RAP1GAP: variants seen among roughly 807,000 people sequenced by gnomAD.
The protein encoded by RAP1GAP is rap1 GTPase-activating protein 1.
In RAP1GAP, 35 loss-of-function variants were observed where a neutral mutation model predicts 87.2. The ratio of observed to expected loss-of-function variants is 0.40; its 90% confidence interval spans 0.31 to 0.53. RAP1GAP has a LOEUF of 0.53. RAP1GAP is among the 20% of genes least tolerant of loss of function. The pLI is 0.48. For missense variants in RAP1GAP, 734 were observed against 898.9 expected (o/e 0.82, Z 2.35); for synonymous variants, 375 against 363.9 (o/e 1.03, Z -0.35).
intron 1 of RAP1GAP, among the ~76,000 whole-genome samples, chr1:21,664,411 G>A (rs766705084): frequency 5.3e-5 from 8 of 151,998 alleles, no homozygotes; most frequent in Non-Finnish European, 4.4e-5. Context: ...CAGACTCCTC[G>A]GCCTGCCATT....
chr1:21,619,080 A>G lies in RAP1GAP; in HGVS notation c.19-8T>C. ...TTCATCCATCCTGCTTCCCTGTAAG[A>G]GAAGGCAGCACTGTTACACCCTCCC... is the stretch of plus-strand genomic sequence containing the variant. On this transcript the variant is annotated splice_polypyrimidine_tract_variant and splice_region_variant and intron_variant, in intron 4 of 24. Coordinates refer to ENST00000374765, the MANE Select transcript of RAP1GAP (RefSeq NM_002885.4). 1.9e-6 allele frequency: 3 copies of G among 1,595,264 alleles called. No individual in the cohort carries two copies. The South Asian group carries it at 3.4e-5, about 18-fold the overall frequency.
At chr1:21,605,807 C>T (rs2074071769) in intron 18 of RAP1GAP, among the ~76,000 whole-genome samples, 1 of 152,244 alleles carries the variant, frequency 6.6e-6, no homozygotes, top group Non-Finnish European at 1.5e-5. Context: ...CACCTCAATG[C>T]ATAAAGGGCC....
chr1:21,613,245 A>G lies in RAP1GAP; in HGVS notation c.475-16T>C. On this transcript the variant is annotated splice_polypyrimidine_tract_variant and intron_variant, in intron 9 of 24. Coordinates refer to ENST00000374765, the MANE Select transcript of RAP1GAP (RefSeq NM_002885.4). The surrounding 1 kb of genome is among the most constrained non-coding windows in gnomAD (Gnocchi z 4.7). ...CACACACCAACTGCAGGAGGAGATA[A>G]GGGAGGGGTGTGAGGTGTGGGGCCA... 6.5e-7 allele frequency: 1 copy of G among 1,545,676 alleles called. No homozygotes were observed. The highest frequency in any genetic ancestry group is 8.9e-7 in the Non-Finnish European group (1 of 1,117,948).
At chr1:21,659,574 G>C (rs1225325419) in intron 1 of RAP1GAP, among the ~76,000 whole-genome samples, 1 of 152,190 alleles carries the variant, frequency 6.6e-6, no homozygotes, top group Non-Finnish European at 1.5e-5. Context: ...CCGTTCTCTC[G>C]GTGCGCAGAT....
rs368389534 is a variant in RAP1GAP, at chr1:21,618,990, C to G, written c.66+35G>C. 3.3e-5 allele frequency: 52 copies of G among 1,573,088 alleles called. No individual in the cohort carries two copies. The African/African-American group carries it at 4.0e-4, about 12-fold the overall frequency. On this transcript the variant is annotated intron_variant, in intron 5 of 24. Transcript: ENST00000374765. ...AGCACTTCCCGGACCCCCTCCACCC[C>G]CTAGAGAGGGAGGCAGACTGCCAGG...
chr1:21,648,837 A>T (rs1344681705), intron 2 of RAP1GAP, among the ~76,000 whole-genome samples: 1 of 152,204 alleles, frequency 6.6e-6, no homozygotes, highest in Admixed American at 6.5e-5. Flanking sequence ...ATAGAAAGGC[A>T]GGCTGGGAGC....
chr1:21,657,627 A>T (rs1373310170), intron 1 of RAP1GAP, among the ~76,000 whole-genome samples: 4 of 152,136 alleles, frequency 2.6e-5, no homozygotes, highest in Non-Finnish European at 5.9e-5. Flanking sequence ...CTCCACTGCT[A>T]TGGGCGTGGC....
chr1:21,603,682 G>A lies in RAP1GAP; in HGVS notation c.1429-769C>T. On this transcript the variant is annotated intron_variant, in intron 18 of 24. Coordinates refer to ENST00000374765, the MANE Select transcript of RAP1GAP (RefSeq NM_002885.4). This position sits in a 1 kb window ranked among gnomAD's most constrained non-coding sequence, Gnocchi z 6.0. The stretch of plus-strand genomic sequence containing the variant: ...CCAGGCCCCAAAGCAGGTGCTGAGT[G>A]CCATCGGAGCTGCCGCCACTCCATC... 1 of 834,898 alleles carries A rather than the reference G, an allele frequency of 1.2e-6. No individual in the cohort carries two copies. The allele number at this position is 834,898 out of a possible 1,614,324, so 51.7% of individuals were successfully genotyped here. A position where few individuals can be genotyped will look rare whatever the true frequency, so the allele number is the denominator to read the frequency against.
chr1:21,604,839 A>C (rs1461464995), intron 18 of RAP1GAP, among the ~76,000 whole-genome samples: 1 of 135,002 alleles, frequency 7.4e-6, no homozygotes, highest in Non-Finnish European at 1.6e-5. Flanking sequence ...AGAGGGATGG[A>C]TAGAGATGGA....
chr1:21,655,577 C>T (rs765039782), intron 1 of RAP1GAP, among the ~76,000 whole-genome samples: 15 of 152,230 alleles, frequency 9.9e-5, no homozygotes, highest in Non-Finnish European at 2.1e-4. Context: ...TCACTGCCAT[C>T]GTTGAAGGAG....
intron 1 of RAP1GAP, among the ~76,000 whole-genome samples, chr1:21,653,594 C>CCTTCCTTCCTT (rs1558897559): frequency 1.1e-3 from 88 of 81,132 alleles, no homozygotes; most frequent in Non-Finnish European, 1.3e-3. Flanking sequence ...CTTCCTTCCT[C>CCTTCCTTCCTT]CCTCCCTCCC....
rs142966130 is a variant in RAP1GAP at position 21,610,243 on chromosome 1, G to T, written c.876C>A (p.Ile292=). The change falls in exon 14 of 25, where the codon ATC becomes ATA. Residue 292 remains isoleucine, a synonymous_variant. Coordinates refer to ENST00000374765, the MANE Select transcript of RAP1GAP (RefSeq NM_002885.4). ...TCTCATCCTGGAAGACCACAGCCAC[G>T]ATGTCGTTCCCGATGTGCCGCTTCC... is the stretch of plus-strand genomic sequence containing the variant. The part of the protein sequence containing the change: ...LQRKRHIGND[I]VAVVFQDENT... 1.2e-6 allele frequency: 2 copies of T among 1,614,002 alleles called. No individual in the cohort carries two copies. Among genetic ancestry groups the T allele is most frequent in the Admixed American group, 1.7e-5 (1 of 60,000 alleles).
chr1:21,609,835 A>T lies in RAP1GAP; in HGVS notation c.1000-189T>A, dbSNP rs754720704. Among the ~76,000 whole-genome samples the T allele has an allele frequency of 3.9e-5, 6 of 151,956 alleles. No individual in the cohort carries two copies. Among genetic ancestry groups the T allele is most frequent in the Non-Finnish European group, 5.9e-5 (4 of 67,996 alleles). ...TTTGCCCTGAATTTTAGTGGTGGAG[A>T]TGGGTAGGGGCCTTAGGAATCATCG... is the stretch of plus-strand genomic sequence containing the variant. On this transcript the variant is annotated intron_variant, in intron 14 of 24. Transcript: ENST00000374765. This position sits in a 1 kb window ranked among gnomAD's most constrained non-coding sequence, Gnocchi z 4.4.
At chr1:21,598,292 C>T in intron 22 of RAP1GAP, 108 bp downstream of exon 22, 1 of 1,059,016 alleles carries the variant, frequency 9.4e-7, no homozygotes, top group Non-Finnish European at 1.4e-6. Flanking sequence ...AAGTCAGGGG[C>T]AGTCACATCA....
Position 21,609,535 on chromosome 1 carries a change from T to A in RAP1GAP, c.1071+40A>T. On this transcript the variant is annotated intron_variant, in intron 15 of 24. Transcript: ENST00000374765. The surrounding 1 kb of genome is among the most constrained non-coding windows in gnomAD (Gnocchi z 4.4). ...TATGCACCCCCCAGGCCCCCACCCA[T>A]TTGTCCTGCTCTGCCCATGACTGGG... 8.1e-7 allele frequency: 1 copy of A among 1,238,778 alleles called. No individual in the cohort carries two copies. Among genetic ancestry groups the A allele is most frequent in the South Asian group, 1.9e-5 (1 of 53,614 alleles). The allele number at this position is 1,238,778 out of a possible 1,614,324, so 76.7% of individuals were successfully genotyped here. A position where few individuals can be genotyped will look rare whatever the true frequency, so the allele number is the denominator to read the frequency against.
At chr1:21,665,580 T>G (rs1353362547) in intron 1 of RAP1GAP, among the ~76,000 whole-genome samples, 1 of 152,192 alleles carries the variant, frequency 6.6e-6, no homozygotes, top group African/African-American at 2.4e-5. Context: ...GTGGGACCTT[T>G]CTGTTTTGGG....
intron 1 of RAP1GAP, among the ~76,000 whole-genome samples, chr1:21,656,447 A>AAAC (rs2096869333): frequency 8.0e-6 from 1 of 125,774 alleles, no homozygotes; most frequent in Non-Finnish European, 1.7e-5. Flanking sequence ...AAAAAAAAAA[A>AAAC]AAAAAAAGAC....
In RAP1GAP at chr1:21,649,731, C is replaced by T. The variant is rs2096404645; in HGVS notation, c.-113+30G>A. ...TCTGCAGGGACCAGCCAAGGAAACC[C>T]AGGCCCTCCTGAGAGTCCCCAGTAC... On this transcript the variant is annotated intron_variant, in intron 2 of 24. Transcript: ENST00000374765. The T allele has an allele frequency of 1.9e-6, 3 of 1,550,500 alleles. No homozygotes were observed. In the African/African-American group the frequency reaches 4.1e-5, roughly 21 times the overall value.
In RAP1GAP at chr1:21,603,684, C is replaced by A. The variant is rs945044105; in HGVS notation, c.1429-771G>T. The A allele has an allele frequency of 8.2e-6, 7 of 848,584 alleles. No homozygotes were observed. Among genetic ancestry groups the A allele is most frequent in the Non-Finnish European group, 1.4e-5 (7 of 494,768 alleles). 52.6% of individuals were successfully genotyped at this position (848,584 alleles called of 1,614,324 possible). Reference sequence around the variant, plus strand: ...AGGCCCCAAAGCAGGTGCTGAGTGCCATCGGAGCTGCCGCCACTCCATCCC... The same window carrying A: ...AGGCCCCAAAGCAGGTGCTGAGTGCAATCGGAGCTGCCGCCACTCCATCCC... On this transcript the variant is annotated intron_variant, in intron 18 of 24. Coordinates refer to ENST00000374765, the MANE Select transcript of RAP1GAP (RefSeq NM_002885.4). This position sits in a 1 kb window ranked among gnomAD's most constrained non-coding sequence, Gnocchi z 6.0.
Sources: gnomAD v4.1 joint callset for allele counts (sites outside exome capture counted in the v4.1 genomes callset) on GRCh38, gnomAD v4.1.1 for gene constraint, Gnocchi (gnomAD v3.1) non-coding constraint, MANE v1.5 for transcripts, NCBI Gene and HGNC (gene_info 2026-07-23, HGNC 2026-07-21) for gene names.